The following CKAP5 variants were observed in gnomAD, a reference collection of about 807,000 sequenced individuals.
CKAP5 encodes cytoskeleton associated protein 5.
A neutral mutation model predicts 232.8 loss-of-function variants in CKAP5; 27 were observed. The observed-to-expected ratio is 0.12, with a 90% CI of 0.09 to 0.16. The LOEUF is 0.16. Among genes scored for constraint, CKAP5 ranks in the 10% least tolerant of loss-of-function variants. CKAP5 has a pLI of 1.00. For synonymous variants in CKAP5, 785 were observed against 841.1 expected (o/e 0.93, Z 1.16); for missense variants, 1,838 against 2,424.7 (o/e 0.76, Z 5.08).
chr11:46,821,282 G>A lies in CKAP5; in HGVS notation c.-37-14C>T. The A allele has an allele frequency of 7.5e-7, 1 of 1,330,492 alleles. No homozygotes were observed. Among genetic ancestry groups the A allele is most frequent in the South Asian group, 1.2e-5 (1 of 81,758 alleles). The allele number at this position is 1,330,492 out of a possible 1,614,324, so 82.4% of individuals were successfully genotyped here. A position where few individuals can be genotyped will look rare whatever the true frequency, so the allele number is the denominator to read the frequency against. On this transcript the variant is annotated splice_polypyrimidine_tract_variant and intron_variant, in intron 1 of 43. Coordinates refer to ENST00000529230, the MANE Select transcript of CKAP5 (RefSeq NM_001008938.4). ...TAAGAGTATTTCCTGGTCAGATAAAGGTAGAAACCTGCTTAGCAACCAGGC... is the reference window on the plus strand; with the variant it reads ...TAAGAGTATTTCCTGGTCAGATAAAAGTAGAAACCTGCTTAGCAACCAGGC...
At chr11:46,770,131 G>T (rs372070483) in intron 25 of CKAP5, 33 bp from the exon 26 acceptor site, 4 of 1,604,964 alleles carry the variant, frequency 2.5e-6, no homozygotes, top group Non-Finnish European at 3.4e-6. Context: ...AAAGTGAGAG[G>T]TCACATAAAT....
At chr11:46,812,119 G>A (rs1275104861) in intron 4 of CKAP5, among the ~76,000 whole-genome samples, 3 of 152,116 alleles carry the variant, frequency 2.0e-5, no homozygotes, top group Non-Finnish European at 4.4e-5. Context: ...ATCACCTGGG[G>A]TCAGAAGTTC....
chr11:46,783,683 C>T (rs547160315), intron 17 of CKAP5, among the ~76,000 whole-genome samples: 2 of 151,534 alleles, frequency 1.3e-5, no homozygotes, highest in East Asian at 1.9e-4. Flanking sequence ...GCCTCAAGCT[C>T]GTGGGCTTTC....
intron 16 of CKAP5, among the ~76,000 whole-genome samples, chr11:46,786,253 C>T (rs1054497667): frequency 2.0e-5 from 3 of 152,208 alleles, no homozygotes; most frequent in Non-Finnish European, 4.4e-5. Flanking sequence ...GGTGATTTAA[C>T]TTGCCTTGCT....
At chr11:46,767,978 T>C (rs2065217378) in intron 26 of CKAP5, among the ~76,000 whole-genome samples, 1 of 151,920 alleles carries the variant, frequency 6.6e-6, no homozygotes, top group African/African-American at 2.4e-5. Flanking sequence ...GTAATTTTTG[T>C]GGAGACAGGG....
At chr11:46,836,302 T>C (rs1939916137) in intron 1 of CKAP5, among the ~76,000 whole-genome samples, 1 of 152,270 alleles carries the variant, frequency 6.6e-6, no homozygotes, top group African/African-American at 2.4e-5. Flanking sequence ...GCAACTTTTC[T>C]GTTGGAACAA....
intron 33 of CKAP5, 130 bp downstream of exon 33, chr11:46,760,482 C>T (rs1325696612): frequency 4.6e-6 from 4 of 869,546 alleles, no homozygotes; most frequent in Middle Eastern, 2.3e-4. Context: ...GGTTACAATA[C>T]ATTTACCCAG....
At chr11:46,803,480 C>T (rs1357321475) in intron 8 of CKAP5, among the ~76,000 whole-genome samples, 1 of 151,998 alleles carries the variant, frequency 6.6e-6, no homozygotes, top group African/African-American at 2.4e-5. Context: ...GTTGCCCAGT[C>T]TGGTCTTAAA....
At chr11:46,811,318 G>T (rs1939269600) in intron 4 of CKAP5, 140 bp from the exon 5 acceptor site, 3 of 657,202 alleles carry the variant, frequency 4.6e-6, no homozygotes, top group Non-Finnish European at 4.9e-6. Flanking sequence ...GGCAACAAAA[G>T]AAAAGGAACT....
intron 25 of CKAP5, 47 bp downstream of exon 25, chr11:46,770,741 A>G (rs2065240431): frequency 3.8e-6 from 6 of 1,559,532 alleles, no homozygotes; most frequent in Non-Finnish European, 5.3e-6. Flanking sequence ...TGTTAAATAT[A>G]TTTTTTAATA....
At chr11:46,768,910 ATTTTATTTAT>A (rs2065225606) in intron 26 of CKAP5, among the ~76,000 whole-genome samples, 1 of 151,814 alleles carries the variant, frequency 6.6e-6, no homozygotes, top group Admixed American at 6.6e-5. Flanking sequence ...ATATTATCAA[ATTTTATTTAT>A]TTTTATTTAT....
intron 1 of CKAP5, among the ~76,000 whole-genome samples, chr11:46,843,456 C>G (rs184649577): frequency 1.1e-4 from 17 of 150,470 alleles, no homozygotes; most frequent in African/African-American, 4.2e-4. Context: ...GAAGGCCAGG[C>G]GTAGTGGTTC....
At chr11:46,758,599 G>A (rs1411843732) in intron 35 of CKAP5, among the ~76,000 whole-genome samples, 2 of 151,960 alleles carry the variant, frequency 1.3e-5, no homozygotes, top group Non-Finnish European at 2.9e-5. Context: ...AGGAAGCTGA[G>A]AGAGGAGGAT....
intron 18 of CKAP5, 62 bp from the exon 19 acceptor site, chr11:46,780,547 T>A (rs1301831974): frequency 7.2e-7 from 1 of 1,394,408 alleles, no homozygotes; most frequent in African/African-American, 1.4e-5. Flanking sequence ...TCAATAACGT[T>A]TTATAAAGCC....
At chr11:46,801,169 T>G in intron 9 of CKAP5, 31 bp downstream of exon 9, 1 of 1,495,522 alleles carries the variant, frequency 6.7e-7, no homozygotes, top group Non-Finnish European at 9.3e-7. Flanking sequence ...TAAATTTTGT[T>G]GATCTGTATC....
intron 24 of CKAP5, among the ~76,000 whole-genome samples, chr11:46,773,143 T>C (rs1340077960): frequency 6.6e-6 from 1 of 152,194 alleles, no homozygotes; most frequent in South Asian, 2.1e-4. Context: ...GAGTTTTTAA[T>C]CATGAATGCA....
At chr11:46,820,960 C>T (rs2134690414) in intron 2 of CKAP5, 1 of 513,098 alleles carries the variant, frequency 1.9e-6, no homozygotes, top group East Asian at 3.5e-5. Context: ...CTTTTCACTT[C>T]ACTAATATCT....
chr11:46,793,368 T>C (rs1938786329), intron 13 of CKAP5, among the ~76,000 whole-genome samples: 1 of 152,220 alleles, frequency 6.6e-6, no homozygotes, highest in Non-Finnish European at 1.5e-5. Context: ...TTAAACTTTT[T>C]GCATCTGCAG....
At chr11:46,807,603 T>C (rs1034664858) in intron 8 of CKAP5, among the ~76,000 whole-genome samples, 3 of 152,264 alleles carry the variant, frequency 2.0e-5, no homozygotes, top group African/African-American at 7.2e-5. Flanking sequence ...TACTTAGTAC[T>C]TGTCTGTTTC....
Sources: gnomAD v4.1 joint callset for allele counts (sites outside exome capture counted in the v4.1 genomes callset) on GRCh38, gnomAD v4.1.1 for gene constraint, MANE v1.5 for transcripts, NCBI Gene and HGNC (gene_info 2026-07-23, HGNC 2026-07-21) for gene names.